The following NFKB1 variants were observed in gnomAD, a reference collection of about 807,000 sequenced individuals.
NFKB1 encodes nuclear factor kappa B subunit 1.
Under a neutral mutation model 105.1 loss-of-function variants are expected in NFKB1, and 9 were observed. The ratio of observed to expected loss-of-function variants is 0.09; its 90% CI spans 0.05 to 0.15. NFKB1 has a LOEUF of 0.15. NFKB1 is among the 10% of genes least tolerant of loss of function. The pLI, the probability that NFKB1 is intolerant of heterozygous loss-of-function variation, is 1.00. For missense variants in NFKB1, 830 were observed against 1,203.7 expected (o/e 0.69, Z 4.59); for synonymous variants, 440 against 442.2 (o/e 1.00, Z 0.06).
chr4:102,548,274 TGAA>T (rs1484401981), intron 5 of NFKB1, among the ~76,000 whole-genome samples: 1 of 152,040 alleles, frequency 6.6e-6, no homozygotes, highest in East Asian at 1.9e-4. Flanking sequence ...CACAGTGTGA[TGAA>T]GAAGAAGTCA....
chr4:102,588,139 G>A (rs1725866114), intron 11 of NFKB1, among the ~76,000 whole-genome samples: 2 of 152,174 alleles, frequency 1.3e-5, no homozygotes, highest in East Asian at 1.9e-4. Context: ...ATCTAGAACA[G>A]TATAAGTTGC....
intron 5 of NFKB1, among the ~76,000 whole-genome samples, chr4:102,544,683 TA>T (rs1273853671): frequency 1.3e-5 from 2 of 152,166 alleles, no homozygotes; most frequent in Non-Finnish European, 2.9e-5. Flanking sequence ...CTTTGTAAAA[TA>T]TTTTTTTAAA....
rs1726700679 is a variant in NFKB1, at chr4:102,597,318, CTAACTAT to C, written c.1496-201_1496-195del. On this transcript the variant is annotated intron_variant, in intron 14 of 23. Transcript: ENST00000226574. ...TACACAGATTCTTTAAGATCAATCT[CTAACTAT>C]ATTTGTCAGTGACCCAGTGTCCAAT... Among the ~76,000 whole-genome samples the C allele has an allele frequency of 2.0e-5, 3 of 152,200 alleles. No homozygotes were observed. The South Asian group carries it at 6.2e-4, about 31-fold the overall frequency.
At chr4:102,596,434 A>T in intron 14 of NFKB1, 102 bp downstream of exon 14, 1 of 919,706 alleles carries the variant, frequency 1.1e-6, no homozygotes, top group Non-Finnish European at 1.5e-6. Context: ...ATCAATATCT[A>T]GTTTAGTGTA....
At position 102,501,635 on chromosome 4, in the gene NFKB1, G is replaced by C. The variant is rs1739025789; in HGVS notation, c.-161G>C. On this transcript the variant is annotated 5_prime_UTR_variant, in exon 1 of 24. Transcript: ENST00000226574. ...GGCGCGGCGCTGACTGGCCTGGCCC[G>C]GCCCCGCCGCGCTCCCGCTCGCCCC... 1 of 149,468 alleles carries C rather than the reference G, an allele frequency of 6.7e-6. No homozygotes were observed. Among genetic ancestry groups the C allele is most frequent in the South Asian group, 2.1e-4 (1 of 4,844 alleles). The allele number at this position is 149,468 out of a possible 1,614,324, so 9.3% of individuals were successfully genotyped here.
At chr4:102,566,907 C>A in intron 5 of NFKB1, 80 bp from the exon 6 acceptor site, 1 of 1,454,682 alleles carries the variant, frequency 6.9e-7, no homozygotes, top group Non-Finnish European at 9.6e-7. Context: ...ACTTTTTATA[C>A]TTACTGGCTT....
At chr4:102,556,514 G>A (rs1198459852) in intron 5 of NFKB1, among the ~76,000 whole-genome samples, 1 of 152,142 alleles carries the variant, frequency 6.6e-6, no homozygotes, top group East Asian at 1.9e-4. Flanking sequence ...CTTTCAAGGA[G>A]GGAATGGTAA....
rs567809603 is a variant in NFKB1, at chr4:102,529,486, T to C, written c.40-350T>C. Among the ~76,000 whole-genome samples the C allele has an allele frequency of 2.8e-4, 43 of 152,338 alleles. No individual in the cohort carries two copies. In the South Asian group the frequency reaches 8.5e-3, roughly 30 times the overall value. On this transcript the variant is annotated intron_variant, in intron 2 of 23. Transcript: ENST00000226574. ...AGAGTACAAGCTTCAAATCATTCAT[T>C]CAACAACTATTTAAGTATCTGTTCT...
At chr4:102,597,225 T>C (rs1726691022) in intron 14 of NFKB1, among the ~76,000 whole-genome samples, 1 of 152,216 alleles carries the variant, frequency 6.6e-6, no homozygotes, top group Non-Finnish European at 1.5e-5. Context: ...TTGTTTTCCT[T>C]AAAATAACAG....
chr4:102,610,897 C>T (rs113713740), intron 20 of NFKB1, among the ~76,000 whole-genome samples, 198 bp downstream of exon 20: 5 of 152,144 alleles, frequency 3.3e-5, no homozygotes, highest in African/African-American at 4.8e-5. Context: ...GTTCTGAGTA[C>T]GAAAGTGTAT....
chr4:102,531,469 A>G (rs902306810), intron 3 of NFKB1, among the ~76,000 whole-genome samples: 1 of 152,166 alleles, frequency 6.6e-6, no homozygotes, highest in Non-Finnish European at 1.5e-5. Context: ...GATTATCTAA[A>G]CCAATATTAA....
At chr4:102,611,752 G>A (rs1421233414) in intron 20 of NFKB1, among the ~76,000 whole-genome samples, 4 of 152,214 alleles carry the variant, frequency 2.6e-5, no homozygotes. Flanking sequence ...TGGACTGCCT[G>A]TTCCTTCCAA....
rs752031846 is a variant in NFKB1, at chr4:102,525,540, T to C, written c.22T>C (p.Leu8=). The part of the protein sequence containing the change: MAEDDPY[L]GRPEQMFHLD... Reference sequence around the variant, plus strand: ...CAGAATGGCAGAAGATGATCCATATTTGGGAAGGCCTGAACAAGTAAGTGT... The same window carrying C: ...CAGAATGGCAGAAGATGATCCATATCTGGGAAGGCCTGAACAAGTAAGTGT... Residue 8 remains leucine (L), a synonymous_variant, in exon 2 of 24, where the codon TTG becomes CTG. Coordinates refer to ENST00000226574, the MANE Select transcript of NFKB1 (RefSeq NM_003998.4). The C allele has an allele frequency of 6.2e-7, 1 of 1,613,468 alleles. No homozygotes were observed. The highest frequency in any genetic ancestry group is 8.5e-7 in the Non-Finnish European group (1 of 1,179,616).
chr4:102,612,130 G>T lies in NFKB1; in HGVS notation c.2419+20G>T. The stretch of plus-strand genomic sequence containing the variant: ...CACAAGGTGGGTTGTGATAAAACCA[G>T]ATTCTCTTAACCATTATTATCTCCA... On this transcript the variant is annotated intron_variant, in intron 21 of 23. Transcript: ENST00000226574. 6.2e-7 allele frequency: 1 copy of T among 1,602,182 alleles called. No individual in the cohort carries two copies. Among genetic ancestry groups the T allele is most frequent in the Non-Finnish European group, 8.6e-7 (1 of 1,169,460 alleles).
intron 5 of NFKB1, among the ~76,000 whole-genome samples, chr4:102,554,678 C>T (rs760467154): frequency 7.2e-5 from 11 of 152,166 alleles, no homozygotes; most frequent in Non-Finnish European, 1.5e-4. Context: ...CTCTAGGACG[C>T]TGATGGAGAA....
chr4:102,542,289 G>T (rs1742044827), intron 5 of NFKB1, among the ~76,000 whole-genome samples: 1 of 152,108 alleles, frequency 6.6e-6, no homozygotes, highest in South Asian at 2.1e-4. Context: ...CTGGTGCTCT[G>T]CCTGTGTCTT....
intron 1 of NFKB1, among the ~76,000 whole-genome samples, chr4:102,520,321 C>T (rs1034345298): frequency 2.6e-5 from 4 of 152,110 alleles, no homozygotes; most frequent in African/African-American, 9.7e-5. Flanking sequence ...TATAATTTAC[C>T]ACAAACATAT....
chr4:102,517,881 A>G (rs1418468938), intron 1 of NFKB1, among the ~76,000 whole-genome samples: 1 of 152,214 alleles, frequency 6.6e-6, no homozygotes, highest in Admixed American at 6.5e-5. Context: ...TGATGCTTAT[A>G]ATATGATTTA....
intron 1 of NFKB1, among the ~76,000 whole-genome samples, chr4:102,518,650 TG>T (rs1740362173): frequency 6.6e-6 from 1 of 152,170 alleles, no homozygotes; most frequent in Non-Finnish European, 1.5e-5. Context: ...TCCAATTCTG[TG>T]GGCTGCCTAG....
Sources: allele counts gnomAD v4.1 joint callset (sites outside exome capture counted in the v4.1 genomes callset), GRCh38; gene constraint gnomAD v4.1.1; transcripts MANE v1.5; gene names NCBI Gene and HGNC (gene_info 2026-07-23, HGNC 2026-07-21).